SLC34A2: variants seen among roughly 807,000 people sequenced by gnomAD.
The protein encoded by SLC34A2 is solute carrier family 34 member 2, also known as sodium-dependent phosphate transport protein 2B.
SLC34A2 carries 41 observed loss-of-function variants against 50.8 expected under a neutral mutation model. The ratio of observed to expected loss-of-function variants is 0.81; its 90% CI spans 0.63 to 1.05. SLC34A2 has a LOEUF of 1.05. SLC34A2 is among the 50% of genes least tolerant of loss of function. SLC34A2 has a pLI of 0.00. For missense variants in SLC34A2, 879 were observed against 876.7 expected, an observed-to-expected ratio of 1.00 and a Z score of -0.03; for synonymous variants, 401 against 364.2, an observed-to-expected ratio of 1.10 and a Z score of -1.15.
At chr4:25,657,303 T>C (rs923793590) in intron 1 of SLC34A2, among the ~76,000 whole-genome samples, 3 of 152,088 alleles carry the variant, frequency 2.0e-5, no homozygotes, top group African/African-American at 7.2e-5. Context: ...TAAACTGGGC[T>C]TTAGTAACCA....
At position 25,673,131 on chromosome 4, in the gene SLC34A2, G is replaced by A. The variant is rs1714906558; in HGVS notation, c.1093G>A (p.Gly365Ser). Residue 365 changes from glycine to serine, a missense_variant, in exon 10 of 13, where the codon GGC (glycine) becomes AGC (serine). Physicochemically the swap from Gly to Ser is moderately conservative, Grantham distance 56. Coordinates refer to ENST00000382051, the MANE Select transcript of SLC34A2 (RefSeq NM_006424.3). ...TTTCCACCTCCCGGATCTTGCTGTGGGCACCATCTTGCTCATACTCTCCCT... is the reference window on the plus strand; with the variant it reads ...TTTCCACCTCCCGGATCTTGCTGTGAGCACCATCTTGCTCATACTCTCCCT... ...VNFHLPDLAV[G>S]TILLILSLLV... The A allele has an allele frequency of 1.2e-6, 2 of 1,613,880 alleles. No individual in the cohort carries two copies. The highest frequency in any genetic ancestry group is 1.7e-5 in the Admixed American group (1 of 59,964).
At chr4:25,673,826 C>A (rs1203567385) in intron 10 of SLC34A2, among the ~76,000 whole-genome samples, 7 of 152,176 alleles carry the variant, frequency 4.6e-5, no homozygotes, top group Admixed American at 4.6e-4. Flanking sequence ...CAGAGCAACT[C>A]TGGGTGCTTC....
rs1714366313 is a variant in SLC34A2 at position 25,664,216 on chromosome 4, G to A, written c.265G>A (p.Gly89Arg). The change falls in exon 4 of 13, where the codon GGG becomes AGG. Residue 89 changes from glycine to arginine, a missense_variant. Coordinates refer to ENST00000382051, the MANE Select transcript of SLC34A2 (RefSeq NM_006424.3). Reference protein sequence around the residue: ...GIKWSERDTKGKILCFFQGIG... With the variant: ...GIKWSERDTKRKILCFFQGIG... ...CCCCCCTGCAGAGAGAGACACCAAA[G>A]GGAAGATTCTCTGTTTCTTCCAAGG... The A allele has an allele frequency of 1.9e-6, 3 of 1,602,378 alleles. No homozygotes were observed. Among genetic ancestry groups the A allele is most frequent in the African/African-American group, 1.4e-5 (1 of 73,952 alleles).
chr4:25,669,533 A>C (rs929306625), intron 6 of SLC34A2, 114 bp from the exon 7 acceptor site: 1 of 925,804 alleles, frequency 1.1e-6, no homozygotes, highest in Non-Finnish European at 1.8e-6. Context: ...ACATGTGCAC[A>C]CTTCCATAGG....
chr4:25,662,432 C>T, intron 1 of SLC34A2, 66 bp from the exon 2 acceptor site: 1 of 1,409,910 alleles, frequency 7.1e-7, no homozygotes, highest in Non-Finnish European at 1.0e-6. Context: ...ATGGTTCTTC[C>T]TCTTATAGCA....
chr4:25,666,851 G>C (rs960476540), intron 5 of SLC34A2: 1 of 152,748 alleles, frequency 6.5e-6, no homozygotes, highest in Admixed American at 6.5e-5. Context: ...CTGCAGCTAC[G>C]TTGGACAGAC....
rs1216025999 is a variant in SLC34A2 at position 25,676,066 on chromosome 4, C to T, written c.1459-69C>T. The T allele has an allele frequency of 1.5e-5, 24 of 1,593,978 alleles. No homozygotes were observed. In the African/African-American group the frequency reaches 2.0e-4, roughly 13 times the overall value. ...TGTGATGCCTGCTAGCTTACCTCCC[C>T]CTCCTCCTCCCTACTGCCACCCGCA... On this transcript the variant is annotated intron_variant, in intron 12 of 12. Coordinates refer to ENST00000382051, the MANE Select transcript of SLC34A2 (RefSeq NM_006424.3).
In SLC34A2 at chr4:25,666,289, T is replaced by C. The variant is rs1480280194; in HGVS notation, c.523+18T>C. The C allele has an allele frequency of 1.2e-6, 2 of 1,613,028 alleles. No individual in the cohort carries two copies. The highest frequency in any genetic ancestry group is 2.2e-5 in the South Asian group (2 of 91,040). Reference sequence around the variant, plus strand: ...CTCTTCATGTGAGTCGGGGCACCCATGAGCCCACCTGCATTCCAGACACTC... The same window carrying C: ...CTCTTCATGTGAGTCGGGGCACCCACGAGCCCACCTGCATTCCAGACACTC... On this transcript the variant is annotated intron_variant, in intron 5 of 12. Coordinates refer to ENST00000382051, the MANE Select transcript of SLC34A2 (RefSeq NM_006424.3).
In SLC34A2 at chr4:25,677,719, G is replaced by C. The variant is rs1399214103; in HGVS notation, c.*970G>C. On this transcript the variant is annotated 3_prime_UTR_variant, in exon 13 of 13. Transcript: ENST00000382051. ...CTGCATGCTGCCACCTTGAATCCCA[G>C]GGAGTATCTGCACCTGGAATAGCTC... is the stretch of plus-strand genomic sequence containing the variant. The C allele has an allele frequency of 2.0e-5, 3 of 152,098 alleles. No individual in the cohort carries two copies. Among genetic ancestry groups the C allele is most frequent in the Non-Finnish European group, 4.4e-5 (3 of 68,020 alleles). The allele number at this position is 152,098 out of a possible 1,614,324, so 9.4% of individuals were successfully genotyped here. A position where few individuals can be genotyped will look rare whatever the true frequency, so the allele number is the denominator to read the frequency against.
intron 7 of SLC34A2, among the ~76,000 whole-genome samples, 191 bp from the exon 8 acceptor site, chr4:25,670,547 T>C (rs1714757359): frequency 6.6e-6 from 1 of 152,184 alleles, no homozygotes; most frequent in Admixed American, 6.5e-5. Context: ...CATTCAGTCA[T>C]CCAGAAAATA....
chr4:25,674,259 C>T (rs375112862), intron 10 of SLC34A2, 37 bp from the exon 11 acceptor site: 20 of 1,553,560 alleles, frequency 1.3e-5, no homozygotes, highest in African/African-American at 4.1e-5. Context: ...ATACCTTCCC[C>T]GGAGAGGCCA....
At position 25,670,833 on chromosome 4, in the gene SLC34A2, G is replaced by T. The variant is rs758019128; in HGVS notation, c.927G>T (p.Lys309Asn). 15 of 1,612,260 alleles carry T rather than the reference G, an allele frequency of 9.3e-6. No individual in the cohort carries two copies. The East Asian group carries it at 2.9e-4, about 31-fold the overall frequency. Residue 309 changes from lysine (K) to asparagine (N), a missense_variant and splice_region_variant, in exon 8 of 13, where the codon AAG becomes AAT. By Grantham distance (94) the Lys-to-Asn change is moderately conservative (BLOSUM62 0). Coordinates refer to ENST00000382051, the MANE Select transcript of SLC34A2 (RefSeq NM_006424.3). ...TTTGGTGCAAAACTTTTACCAACAA[G>T]GTACGTTTCCAAGAATATTCCCGGG... is the stretch of plus-strand genomic sequence containing the variant. ...VKIWCKTFTNKTQINVTVPST... is the reference protein window; with the variant it reads ...VKIWCKTFTNNTQINVTVPST...
At chr4:25,663,839 T>G (rs1714339215) in intron 3 of SLC34A2, among the ~76,000 whole-genome samples, 1 of 152,226 alleles carries the variant, frequency 6.6e-6, no homozygotes, top group South Asian at 2.1e-4. Flanking sequence ...TCTCCGACCC[T>G]GCACTTAGCA....
chr4:25,671,491 C>A, intron 8 of SLC34A2, 110 bp from the exon 9 acceptor site: 1 of 1,294,918 alleles, frequency 7.7e-7, no homozygotes, highest in Non-Finnish European at 1.1e-6. Flanking sequence ...TGGGGCCATA[C>A]TGCATGCACC....
chr4:25,671,706 G>C lies in SLC34A2; in HGVS notation c.1033G>C (p.Glu345Gln). Reference sequence around the variant, plus strand: ...GACCATGAAGAATGTGACCTACAAGGAGAACATCGCCAAATGTGAGTGGAG... The same window carrying C: ...GACCATGAAGAATGTGACCTACAAGCAGAACATCGCCAAATGTGAGTGGAG... The part of the protein sequence containing the change: ...NWTMKNVTYK[E>Q]NIAKCQHIFV... Residue 345 changes from glutamate to glutamine, a missense_variant, in exon 9 of 13, where the codon GAG (glutamate) becomes CAG (glutamine). Glu to Gln is a conservative substitution (Grantham distance 29). Transcript: ENST00000382051. 1 of 1,614,216 alleles carries C rather than the reference G, an allele frequency of 6.2e-7. No homozygotes were observed. Among genetic ancestry groups the C allele is most frequent in the Non-Finnish European group, 8.5e-7 (1 of 1,180,038 alleles).
At position 25,674,377 on chromosome 4, in the gene SLC34A2, G is replaced by A. The variant is rs761761874; in HGVS notation, c.1298G>A (p.Ser433Asn). 1.9e-6 allele frequency: 3 copies of A among 1,614,198 alleles called. No individual in the cohort carries two copies. Among genetic ancestry groups the A allele is most frequent in the African/African-American group, 1.3e-5 (1 of 75,048 alleles). ...GGCATGACCTTCATCGTACAGAGCA[G>A]CTCTGTGTTCACGTCGGCCTTGACC... The part of the protein sequence containing the change: ...GAGMTFIVQS[S>N]SVFTSALTPL... Residue 433 changes from serine to asparagine, a missense_variant, in exon 11 of 13, where the codon AGC becomes AAC. Physicochemically the swap from Ser to Asn is conservative, Grantham distance 46. Transcript: ENST00000382051.
At chr4:25,667,859 T>C in intron 5 of SLC34A2, 21 bp from the exon 6 acceptor site, 1 of 1,537,594 alleles carries the variant, frequency 6.5e-7, no homozygotes, top group East Asian at 2.2e-5. Flanking sequence ...AGCTTGCTAA[T>C]GGTACTTTTC....
At chr4:25,660,266 G>A (rs1714110257) in intron 1 of SLC34A2, among the ~76,000 whole-genome samples, 1 of 152,216 alleles carries the variant, frequency 6.6e-6, no homozygotes, top group Non-Finnish European at 1.5e-5. Context: ...AAGGAGTCAG[G>A]TGGACTCAGG....
In SLC34A2 at chr4:25,676,527, C is replaced by G; in HGVS notation, c.1851C>G (p.Arg617=). 2 of 1,606,872 alleles carry G rather than the reference C, an allele frequency of 1.2e-6. No individual in the cohort carries two copies. Among genetic ancestry groups the G allele is most frequent in the Non-Finnish European group, 1.7e-6 (2 of 1,174,274 alleles). Residue 617 remains arginine (R), a synonymous_variant, in exon 13 of 13, where the codon CGC becomes CGG. Transcript: ENST00000382051. ...AGTTCACCGGCTGCTTCCAGATGCG[C>G]TGCTGCTGCTGCTGCCGCGTGTGCT... The part of the protein sequence containing the change: ...VSKFTGCFQM[R]CCCCCRVCCR...
Sources: allele counts gnomAD v4.1 joint callset (sites outside exome capture counted in the v4.1 genomes callset), GRCh38; gene constraint gnomAD v4.1.1; transcripts MANE v1.5; gene names NCBI Gene and HGNC (gene_info 2026-07-23, HGNC 2026-07-21).